The following RASSF3 variants were observed in gnomAD, a reference collection of about 807,000 sequenced individuals.
RASSF3 encodes Ras association domain family member 3, also known as ras association domain-containing protein 3.
In RASSF3, 19 loss-of-function variants were observed where a neutral mutation model predicts 19.9. The observed-to-expected ratio is 0.96, with a 90% CI of 0.67 to 1.40. The LOEUF (loss-of-function observed/expected upper bound fraction) is 1.40. RASSF3 is among the 40% of genes most tolerant of loss of function. The pLI, the probability that RASSF3 is intolerant of heterozygous loss-of-function variation, is 0.00. For missense variants in RASSF3, 306 were observed against 289.8 expected (o/e 1.06, Z -0.41); for synonymous variants, 110 against 104.2 (o/e 1.06, Z -0.34).
intron 2 of RASSF3, among the ~76,000 whole-genome samples, chr12:64,600,740 G>A (rs1383081817): frequency 6.6e-6 from 1 of 152,140 alleles, no homozygotes; most frequent in Non-Finnish European, 1.5e-5. Flanking sequence ...GACCCCAGTG[G>A]TTTTGTGTGG....
chr12:64,690,316 C>T (rs1252822865), intron 3 of RASSF3, among the ~76,000 whole-genome samples: 1 of 151,522 alleles, frequency 6.6e-6, no homozygotes, highest in African/African-American at 2.4e-5. Flanking sequence ...CAAGTAGCTA[C>T]AATTACAAGT....
intron 1 of RASSF3, among the ~76,000 whole-genome samples, chr12:64,639,187 G>C (rs1871426111): frequency 6.6e-6 from 1 of 152,016 alleles, no homozygotes; most frequent in African/African-American, 2.4e-5. Context: ...GCATACTTGT[G>C]GTTTAGGGGG....
At chr12:64,627,355 T>G (rs1237640316) in intron 1 of RASSF3, among the ~76,000 whole-genome samples, 1 of 152,192 alleles carries the variant, frequency 6.6e-6, no homozygotes, top group Non-Finnish European at 1.5e-5. Context: ...TTAAATTGCT[T>G]TATGAATTGA....
intron 1 of RASSF3, among the ~76,000 whole-genome samples, chr12:64,615,921 C>T (rs1042148816): frequency 6.6e-6 from 1 of 152,110 alleles, no homozygotes; most frequent in Non-Finnish European, 1.5e-5. Flanking sequence ...GTGATCCACC[C>T]ACCTCGGCCT....
intron 1 of RASSF3, among the ~76,000 whole-genome samples, chr12:64,677,090 C>A (rs762083874): frequency 6.6e-6 from 1 of 152,158 alleles, no homozygotes; most frequent in Non-Finnish European, 1.5e-5. Flanking sequence ...CTAGAACATC[C>A]TGTTTCACAT....
intron 2 of RASSF3, among the ~76,000 whole-genome samples, chr12:64,579,157 G>T (rs903691282): frequency 1.3e-5 from 2 of 151,968 alleles, no homozygotes; most frequent in Non-Finnish European, 2.9e-5. Context: ...TTTTGATGGG[G>T]TACCAGCTGA....
chr12:64,549,698 T>A (rs550204392), intron 2 of RASSF3, among the ~76,000 whole-genome samples: 264 of 152,282 alleles, frequency 1.7e-3, no homozygotes, highest in African/African-American at 6.2e-3. Flanking sequence ...CAGCACAGCC[T>A]CTCTCTCCTG....
chr12:64,580,111 A>G (rs1000897671), intron 2 of RASSF3, among the ~76,000 whole-genome samples: 6 of 152,028 alleles, frequency 3.9e-5, no homozygotes, highest in African/African-American at 1.4e-4. Context: ...CACTGCGCGC[A>G]GCCTTTTTTG....
chr12:64,534,794 G>A (rs1484808200), intron 1 of RASSF3, among the ~76,000 whole-genome samples: 1 of 152,218 alleles, frequency 6.6e-6, no homozygotes, highest in African/African-American at 2.4e-5. Flanking sequence ...TGGATAGCGA[G>A]ATGCCTGTCT....
chr12:64,682,163 C>T (rs867932682), intron 1 of RASSF3, among the ~76,000 whole-genome samples: 18 of 152,192 alleles, frequency 1.2e-4, no homozygotes, highest in African/African-American at 4.1e-4. Flanking sequence ...TTGAAGCCTA[C>T]CCCTGAAGCT....
At chr12:64,643,834 T>G (rs1218766806) in intron 1 of RASSF3, among the ~76,000 whole-genome samples, 1 of 152,190 alleles carries the variant, frequency 6.6e-6, no homozygotes, top group Non-Finnish European at 1.5e-5. Context: ...TTTTTTCACT[T>G]TATCTCAGAG....
At chr12:64,583,071 G>C (rs188664562) in intron 2 of RASSF3, among the ~76,000 whole-genome samples, 3 of 151,902 alleles carry the variant, frequency 2.0e-5, no homozygotes, top group African/African-American at 7.3e-5. Flanking sequence ...TCTCTCCCCT[G>C]GAGAGATCTC....
rs1337013292 is a variant in RASSF3, at chr12:64,696,734, C to A, written c.*1822C>A. 1 of 151,942 alleles carries A rather than the reference C, an allele frequency of 6.6e-6. No homozygotes were observed. The highest frequency in any genetic ancestry group is 1.5e-5 in the Non-Finnish European group (1 of 67,998). The allele number at this position is 151,942 out of a possible 1,614,324, so 9.4% of individuals were successfully genotyped here. ...ACTGAGACAATCATATCTTCCTAAG[C>A]ATTTAAGGAAAGTTGAAAAAAATAG... On this transcript the variant is annotated 3_prime_UTR_variant, in exon 5 of 5. Coordinates refer to ENST00000542104, the MANE Select transcript of RASSF3 (RefSeq NM_178169.4).
At chr12:64,667,074 G>A (rs577728150) in intron 1 of RASSF3, among the ~76,000 whole-genome samples, 1 of 152,156 alleles carries the variant, frequency 6.6e-6, no homozygotes, top group South Asian at 2.1e-4. Context: ...GCTCAGCTGG[G>A]CTGGGGGCAG....
At chr12:64,561,713 A>ATTTT (rs1869349341) in intron 2 of RASSF3, among the ~76,000 whole-genome samples, 1 of 92,620 alleles carries the variant, frequency 1.1e-5, no homozygotes, top group East Asian at 3.5e-4. Flanking sequence ...TTTAGCATTT[A>ATTTT]TCTTTTTTTT....
chr12:64,595,500 C>G (rs1184041875), intron 2 of RASSF3, among the ~76,000 whole-genome samples: 3 of 152,194 alleles, frequency 2.0e-5, no homozygotes, highest in Non-Finnish European at 4.4e-5. Flanking sequence ...ATATATAAAC[C>G]CTGGGGAATA....
chr12:64,674,787 G>A (rs1040188872), intron 1 of RASSF3, among the ~76,000 whole-genome samples: 1 of 152,156 alleles, frequency 6.6e-6, no homozygotes, highest in African/African-American at 2.4e-5. Flanking sequence ...GTGAGGAGCA[G>A]GATGGGGTGC....
chr12:64,559,198 G>A (rs1869304092), intron 2 of RASSF3, among the ~76,000 whole-genome samples: 2 of 151,892 alleles, frequency 1.3e-5, no homozygotes, highest in Admixed American at 6.6e-5. Context: ...ACTGGTGAAC[G>A]GCGTGTCCTC....
chr12:64,671,308 C>T (rs563596018), intron 1 of RASSF3, among the ~76,000 whole-genome samples: 2 of 152,304 alleles, frequency 1.3e-5, no homozygotes, highest in Admixed American at 6.5e-5. Context: ...TGGGTCACCC[C>T]AGCAGGGTTC....
Sources: gnomAD v4.1 joint callset for allele counts (sites outside exome capture counted in the v4.1 genomes callset) on GRCh38, gnomAD v4.1.1 for gene constraint, MANE v1.5 for transcripts, NCBI Gene and HGNC (gene_info 2026-07-23, HGNC 2026-07-21) for gene names.